CHIC2: variants seen among roughly 807,000 people sequenced by gnomAD.
CHIC2 encodes the protein cysteine-rich hydrophobic domain-containing protein 2.
In CHIC2, 14 loss-of-function variants were observed where a neutral mutation model predicts 25.9. That is an observed-to-expected ratio of 0.54 (90% CI 0.36 to 0.85). The LOEUF (loss-of-function observed/expected upper bound fraction) is 0.85, where lower values mean the gene tolerates loss of function less well. CHIC2 is among the 40% of genes least tolerant of loss of function. CHIC2 has a pLI of 0.01. For synonymous variants in CHIC2, 70 were observed against 72.0 expected (o/e 0.97, Z 0.14); for missense variants, 146 against 202.0 (o/e 0.72, Z 1.68).
At chr4:54,047,148 A>G (rs1029813306) in intron 3 of CHIC2, among the ~76,000 whole-genome samples, 5 of 152,178 alleles carry the variant, frequency 3.3e-5, no homozygotes, top group Non-Finnish European at 1.5e-5. Context: ...GTCAGGAAAC[A>G]ACAGGTGCTG....
chr4:54,056,248 C>T (rs1026062073), intron 1 of CHIC2, among the ~76,000 whole-genome samples: 3 of 152,010 alleles, frequency 2.0e-5, no homozygotes, highest in South Asian at 2.1e-4. Context: ...TAACTTCTGG[C>T]GATATAGGGA....
chr4:54,037,652 C>T (rs754489421), intron 3 of CHIC2, among the ~76,000 whole-genome samples: 1 of 152,122 alleles, frequency 6.6e-6, no homozygotes, highest in Non-Finnish European at 1.5e-5. Context: ...CCAAAATACA[C>T]TGTATTCAAG....
At chr4:54,041,064 G>A (rs867549937) in intron 3 of CHIC2, among the ~76,000 whole-genome samples, 3 of 149,916 alleles carry the variant, frequency 2.0e-5, no homozygotes, top group Admixed American at 6.7e-5. Flanking sequence ...TTACAGGCAC[G>A]TGCCACCATG....
At chr4:54,056,553 T>C (rs1256027843) in intron 1 of CHIC2, among the ~76,000 whole-genome samples, 2 of 152,150 alleles carry the variant, frequency 1.3e-5, no homozygotes, top group Non-Finnish European at 2.9e-5. Flanking sequence ...AAGGCCCACA[T>C]TATGACTACA....
chr4:54,014,000 ATC>A (rs1321788529), intron 4 of CHIC2, 61 bp downstream of exon 4: 41 of 1,598,288 alleles, frequency 2.6e-5, no homozygotes, highest in Non-Finnish European at 2.9e-5. Flanking sequence ...CAACAAAAGC[ATC>A]TGTTTCCATA....
rs993985939 is a variant in CHIC2 at position 54,033,830 on chromosome 4, AT to A, written c.330+15124del. ...TGGAAATCAGTTCATAAAGGGGTCTATTTTTTGGCTCTGTCTCTTCTGTTTA... is the reference window on the plus strand; with the variant it reads ...TGGAAATCAGTTCATAAAGGGGTCTATTTTTGGCTCTGTCTCTTCTGTTTA... On this transcript the variant is annotated intron_variant, in intron 3 of 5. Coordinates refer to ENST00000263921, the MANE Select transcript of CHIC2 (RefSeq NM_012110.4). 3.3e-5 allele frequency among the ~76,000 whole-genome samples: 5 copies of A among 152,112 alleles called. No homozygotes were observed. The South Asian group carries it at 8.3e-4, about 25-fold the overall frequency.
chr4:54,029,138 A>C (rs1000140375), intron 3 of CHIC2, among the ~76,000 whole-genome samples: 13 of 152,202 alleles, frequency 8.5e-5, no homozygotes, highest in Middle Eastern at 3.4e-3. Flanking sequence ...AAAAAAAAAA[A>C]AACAAAAGTC....
intron 3 of CHIC2, 24 bp from the exon 4 acceptor site, chr4:54,014,143 T>A: frequency 4.3e-6 from 7 of 1,611,056 alleles, no homozygotes; most frequent in Non-Finnish European, 5.9e-6. Context: ...GAGAAAAAAG[T>A]TTACTCTTGA....
chr4:54,040,722 A>AG (rs1227484654), intron 3 of CHIC2, among the ~76,000 whole-genome samples: 1 of 148,854 alleles, frequency 6.7e-6, no homozygotes, highest in East Asian at 2.0e-4. Context: ...AAAAAAAAAA[A>AG]AAAAAATTAG....
the CHIC2 span, among the ~76,000 whole-genome samples, chr4:54,090,536 G>T: frequency 6.6e-6 from 1 of 152,004 alleles, no homozygotes; most frequent in Non-Finnish European, 1.5e-5. Context: ...GCTCACAAAC[G>T]CATCCTCCCT....
chr4:54,083,592 C>T, the CHIC2 span, among the ~76,000 whole-genome samples: 50 of 152,250 alleles, frequency 3.3e-4, no homozygotes, highest in African/African-American at 1.1e-3. Context: ...TCTTTCTGTA[C>T]CCCTGTCCTA....
At chr4:54,087,521 A>G in the CHIC2 span, 1 of 1,170,952 alleles carries the variant, frequency 8.5e-7, no homozygotes, top group South Asian at 2.5e-5. Context: ...GCTGCTCTAC[A>G]AATTTGAGAG....
the CHIC2 span, chr4:54,087,743 A>T: frequency 2.0e-6 from 1 of 500,712 alleles, no homozygotes; most frequent in Non-Finnish European, 3.6e-6. Flanking sequence ...ACTGGCGGTG[A>T]TTACAAAGTA....
chr4:54,064,006 C>A lies in CHIC2; in HGVS notation c.119+176G>T, dbSNP rs1383641168. Among the ~76,000 whole-genome samples, 1 of 152,204 alleles carries A rather than the reference C, an allele frequency of 6.6e-6. No homozygotes were observed. Among genetic ancestry groups the A allele is most frequent in the Non-Finnish European group, 1.5e-5 (1 of 68,034 alleles). On this transcript the variant is annotated intron_variant, in intron 1 of 5. Transcript: ENST00000263921. The surrounding 1 kb of genome is among the most constrained non-coding windows in gnomAD (Gnocchi z 4.2). The stretch of plus-strand genomic sequence containing the variant: ...TGTGTGGAGGAGGAAGGACAGCGTC[C>A]GTCCCCACTTCGGAGACCCAAACAA...
intron 3 of CHIC2, among the ~76,000 whole-genome samples, chr4:54,037,698 C>G (rs935703808): frequency 6.6e-6 from 1 of 152,130 alleles, no homozygotes; most frequent in Non-Finnish European, 1.5e-5. Flanking sequence ...GAACTGATAT[C>G]ACACCAAGTA....
Position 54,049,071 on chromosome 4 carries a change from T to C in CHIC2, c.214A>G (p.Asn72Asp). ...EEFKASINRVNSCLKKNLPVN... is the reference protein window; with the variant it reads ...EEFKASINRVDSCLKKNLPVN... ...GGAAGGTTCTTCTTAAGACAACTGT[T>C]AACTCTGTTGATGCTGGCTTTAAAT... The change falls in exon 3 of 6, where the codon AAC (asparagine) becomes GAC (aspartate). Residue 72 changes from asparagine to aspartate, a missense_variant. Transcript: ENST00000263921. The C allele has an allele frequency of 1.2e-6, 2 of 1,611,106 alleles. No homozygotes were observed. Among genetic ancestry groups the C allele is most frequent in the Non-Finnish European group, 1.7e-6 (2 of 1,178,980 alleles).
In CHIC2 at chr4:54,034,901, G is replaced by A. The variant is rs116179037; in HGVS notation, c.330+14054C>T. On this transcript the variant is annotated intron_variant, in intron 3 of 5. Transcript: ENST00000263921. ...TTGTAGATGTCCTTTATCAGCTTGA[G>A]GAAGTTTTATTCTATTAGGCTGTGA... 3.5e-3 allele frequency among the ~76,000 whole-genome samples: 535 copies of A among 152,252 alleles called. 5 individuals are homozygous for A. The highest frequency in any genetic ancestry group is 0.014 in the Middle Eastern group (4 of 294).
chr4:54,053,149 T>C (rs1717058852), intron 1 of CHIC2, among the ~76,000 whole-genome samples: 1 of 152,182 alleles, frequency 6.6e-6, no homozygotes, highest in Admixed American at 6.5e-5. Context: ...GAGGAAAATG[T>C]TGAAGAAGAA....
At chr4:54,067,073 A>G (rs529736449), upstream of CHIC2, among the ~76,000 whole-genome samples, 2 of 152,316 alleles carry the variant, frequency 1.3e-5, no homozygotes, top group African/African-American at 2.4e-5. Context: ...CTGAATTGAG[A>G]TACAGTGTTA....
Sources: gnomAD v4.1 joint callset for allele counts (sites outside exome capture counted in the v4.1 genomes callset) on GRCh38, gnomAD v4.1.1 for gene constraint, Gnocchi (gnomAD v3.1) non-coding constraint, MANE v1.5 for transcripts, NCBI Gene and HGNC (gene_info 2026-07-23, HGNC 2026-07-21) for gene names.